Variants in STK38 observed in about 807,000 individuals in gnomAD.
STK38 encodes serine/threonine-protein kinase 38.
A neutral mutation model predicts 59.0 loss-of-function variants in STK38; 26 were observed. That is an observed-to-expected ratio of 0.44 (90% CI 0.32 to 0.61). The LOEUF (loss-of-function observed/expected upper bound fraction) is 0.61, where lower values mean the gene tolerates loss of function less well. Ranked by LOEUF, STK38 falls within the 20% of genes least tolerant of loss-of-function variation. The pLI, the probability that STK38 is intolerant of heterozygous loss-of-function variation, is 0.04. For missense variants in STK38, 433 were observed against 566.0 expected, an observed-to-expected ratio of 0.76 and a Z score of 2.38; for synonymous variants, 175 against 176.6, an observed-to-expected ratio of 0.99 and a Z score of 0.07.
rs2071809 is a variant in STK38, at chr6:36,495,850, C to G, written c.1332G>C (p.Thr444=). 4 of 1,613,812 alleles carry G rather than the reference C, an allele frequency of 2.5e-6. No homozygotes were observed. The African/African-American group carries it at 4.0e-5, about 16-fold the overall frequency. The change falls in exon 14 of 14, where the codon ACG becomes ACC. Residue 444 remains threonine, a synonymous_variant. Transcript: ENST00000229812. The part of the protein sequence containing the change: ...KNKDWVFINY[T]YKRFEGLTAR... ...CAGTCAGGCCCTCAAAGCGCTTGTA[C>G]GTGTAATTGATGAAGACCCAGTCTT...
At chr6:36,527,559 A>C (rs530721684) in intron 2 of STK38, among the ~76,000 whole-genome samples, 1 of 151,748 alleles carries the variant, frequency 6.6e-6, no homozygotes, top group Non-Finnish European at 1.5e-5. Context: ...CCTCAAAGAA[A>C]AAAAAAACCT....
intron 10 of STK38, among the ~76,000 whole-genome samples, chr6:36,499,266 A>C (rs1354150639): frequency 6.6e-6 from 1 of 152,242 alleles, no homozygotes; most frequent in Non-Finnish European, 1.5e-5. Flanking sequence ...ACAGGCAAGA[A>C]GACAAACACG....
intron 5 of STK38, 74 bp downstream of exon 5, chr6:36,521,660 T>G (rs1240402121): frequency 3.7e-6 from 4 of 1,087,228 alleles, no homozygotes; most frequent in Non-Finnish European, 5.2e-6. Context: ...AATATATATT[T>G]CAATTAAACA....
intron 2 of STK38, among the ~76,000 whole-genome samples, chr6:36,527,660 T>C (rs1401296992): frequency 6.6e-6 from 1 of 151,942 alleles, no homozygotes; most frequent in Non-Finnish European, 1.5e-5. Context: ...AAGAAGCAAG[T>C]AAAACTTCCT....
intron 7 of STK38, among the ~76,000 whole-genome samples, chr6:36,508,628 T>C (rs1051107651): frequency 6.6e-6 from 1 of 152,246 alleles, no homozygotes; most frequent in African/African-American, 2.4e-5. Context: ...ATTGATGCCT[T>C]TACCCGAGTT....
At chr6:36,533,640 T>C (rs1350182545) in intron 2 of STK38, among the ~76,000 whole-genome samples, 2 of 152,184 alleles carry the variant, frequency 1.3e-5, no homozygotes, top group Non-Finnish European at 2.9e-5. Context: ...ATACATCATC[T>C]TGTTCCTGCA....
chr6:36,516,368 A>G (rs1777251181), intron 6 of STK38, among the ~76,000 whole-genome samples: 1 of 152,234 alleles, frequency 6.6e-6, no homozygotes, highest in Non-Finnish European at 1.5e-5. Flanking sequence ...AAACTAAGAG[A>G]AACAGTAAAG....
Position 36,527,191 on chromosome 6 carries a change from C to CAAAA in STK38, c.132-1553_132-1550dup, listed in dbSNP as rs777770396. ...TGGGTGACAGAGCAAGACTCCGTCT[C>CAAAA]AAAAAAAAAAAAAAAAATATATGTA... On this transcript the variant is annotated intron_variant, in intron 2 of 13. Transcript: ENST00000229812. Among the ~76,000 whole-genome samples the CAAAA allele has an allele frequency of 3.7e-3, 171 of 45,990 alleles. 3 individuals are homozygous for CAAAA. Among genetic ancestry groups the CAAAA allele is most frequent in the East Asian group, 6.1e-3 (11 of 1,806 alleles). 30.2% of individuals were successfully genotyped at this position (45,990 alleles called of 152,430 possible).
At chr6:36,522,726 G>A (rs1159083438) in intron 4 of STK38, among the ~76,000 whole-genome samples, 1 of 151,466 alleles carries the variant, frequency 6.6e-6, no homozygotes, top group African/African-American at 2.4e-5. Flanking sequence ...TGTGGTGGCA[G>A]GTGCCTGTAA....
intron 9 of STK38, 132 bp downstream of exon 9, chr6:36,506,451 G>T: frequency 1.1e-6 from 1 of 872,766 alleles, no homozygotes. Flanking sequence ...CCTAACAACA[G>T]CACTCTCTTT....
intron 7 of STK38, among the ~76,000 whole-genome samples, chr6:36,508,221 C>G (rs1777015566): frequency 6.6e-6 from 1 of 152,140 alleles, no homozygotes; most frequent in Non-Finnish European, 1.5e-5. Flanking sequence ...TAGGCATGCG[C>G]CACCACACCT....
At chr6:36,518,359 T>C (rs1333621202) in intron 5 of STK38, among the ~76,000 whole-genome samples, 2 of 152,210 alleles carry the variant, frequency 1.3e-5, no homozygotes, top group African/African-American at 2.4e-5. Context: ...AGAACACCTA[T>C]GAAAAGTTGT....
intron 6 of STK38, 22 bp downstream of exon 6, chr6:36,517,695 C>A (rs777893333): frequency 6.2e-7 from 1 of 1,608,122 alleles, no homozygotes. Flanking sequence ...GAAAAAATGA[C>A]CTTTCATCGT....
At chr6:36,532,245 G>C (rs1209870927) in intron 2 of STK38, among the ~76,000 whole-genome samples, 1 of 148,658 alleles carries the variant, frequency 6.7e-6, no homozygotes, top group South Asian at 2.1e-4. Context: ...TGAGGCGGCA[G>C]TGAGCGAGCC....
intron 2 of STK38, among the ~76,000 whole-genome samples, chr6:36,530,406 C>T (rs190734886): frequency 2.2e-3 from 326 of 151,010 alleles, no homozygotes; most frequent in African/African-American, 7.5e-3. Context: ...ACTCTGTCAC[C>T]CAGGCTGAAG....
At chr6:36,542,949 AAAAT>A (rs1259279918) in intron 1 of STK38, among the ~76,000 whole-genome samples, 1 of 152,156 alleles carries the variant, frequency 6.6e-6, no homozygotes, top group East Asian at 1.9e-4. Context: ...CGTCTCAAAA[AAAAT>A]AAATAAATAA....
chr6:36,527,214 G>GAAAAAAAA (rs1554168837), intron 2 of STK38, among the ~76,000 whole-genome samples: 1 of 117,238 alleles, frequency 8.5e-6, no homozygotes, highest in African/African-American at 3.5e-5. Flanking sequence ...AAAAATATAT[G>GAAAAAAAA]TATATATATA....
chr6:36,527,307 CGTATATAT>C (rs1561987075), intron 2 of STK38, among the ~76,000 whole-genome samples: 1 of 131,942 alleles, frequency 7.6e-6, no homozygotes, highest in Admixed American at 7.9e-5. Flanking sequence ...TATGTATATA[CGTATATAT>C]ACACACATAT....
At chr6:36,520,904 C>A (rs1221038379) in intron 5 of STK38, among the ~76,000 whole-genome samples, 1 of 152,104 alleles carries the variant, frequency 6.6e-6, no homozygotes, top group African/African-American at 2.4e-5. Flanking sequence ...AATCTCCATC[C>A]CCCCTCTTTG....
Sources: allele counts gnomAD v4.1 joint callset (sites outside exome capture counted in the v4.1 genomes callset), GRCh38; gene constraint gnomAD v4.1.1; transcripts MANE v1.5; gene names NCBI Gene and HGNC (gene_info 2026-07-23, HGNC 2026-07-21).